The following FAT3 variants were observed in gnomAD, a reference collection of about 807,000 sequenced individuals.
The protein encoded by FAT3 is protocadherin Fat 3.
FAT3 carries 95 observed loss-of-function variants against 310.2 expected under a neutral mutation model. The ratio of observed to expected loss-of-function variants is 0.31; its 90% CI spans 0.26 to 0.36. FAT3 has a LOEUF of 0.36. Ranked by LOEUF, FAT3 falls within the 10% of genes least tolerant of loss-of-function variation. The probability of loss-of-function intolerance (pLI) is 1.00; values close to 1 mark genes in which losing one functional copy is unlikely to be tolerated. For missense variants in FAT3, 5,408 were observed against 5,715.6 expected (o/e 0.95, Z 1.74); for synonymous variants, 2,314 against 2,192.9 (o/e 1.06, Z -1.54).
intron 2 of FAT3, among the ~76,000 whole-genome samples, chr11:92,369,727 G>A (rs1949133833): frequency 6.6e-6 from 1 of 152,096 alleles, no homozygotes. Context: ...CACGCCTGTA[G>A]TCCCAGCTAC....
intron 3 of FAT3, among the ~76,000 whole-genome samples, chr11:92,532,794 C>T (rs1021209536): frequency 1.3e-5 from 2 of 152,090 alleles, no homozygotes; most frequent in African/African-American, 2.4e-5. Flanking sequence ...TTAATGCCAG[C>T]CTTCTGACGG....
chr11:92,829,608 C>A (rs1341604958), intron 13 of FAT3, among the ~76,000 whole-genome samples: 1 of 152,124 alleles, frequency 6.6e-6, no homozygotes, highest in Non-Finnish European at 1.5e-5. Flanking sequence ...TTTAATCTTG[C>A]AGCCACTCCA....
intron 1 of FAT3, among the ~76,000 whole-genome samples, chr11:92,288,336 T>C (rs796148506): frequency 2.6e-5 from 4 of 152,262 alleles, no homozygotes; most frequent in African/African-American, 7.2e-5. Flanking sequence ...AAAGTTTTAG[T>C]TGAGCAAGAT....
At chr11:92,225,459 G>A (rs1863864750) in intron 1 of FAT3, among the ~76,000 whole-genome samples, 1 of 152,176 alleles carries the variant, frequency 6.6e-6, no homozygotes, top group African/African-American at 2.4e-5. Context: ...TTGGGGCTGA[G>A]GATCTGGGGA....
At chr11:92,573,919 C>T (rs997860734) in intron 3 of FAT3, among the ~76,000 whole-genome samples, 1 of 152,074 alleles carries the variant, frequency 6.6e-6, no homozygotes, top group African/African-American at 2.4e-5. Context: ...ATACATTGGT[C>T]AATTTAAAAA....
chr11:92,739,231 T>C (rs1393136313), intron 4 of FAT3, among the ~76,000 whole-genome samples: 1 of 152,214 alleles, frequency 6.6e-6, no homozygotes, highest in Admixed American at 6.5e-5. Flanking sequence ...CAGCCATACA[T>C]CTTTGCCAAG....
chr11:92,310,702 C>T (rs1271247100), intron 1 of FAT3, among the ~76,000 whole-genome samples: 2 of 151,768 alleles, frequency 1.3e-5, no homozygotes, highest in Non-Finnish European at 2.9e-5. Context: ...TGTATATACA[C>T]ATATAAGTTT....
At chr11:92,228,240 C>T (rs1359140465) in intron 1 of FAT3, among the ~76,000 whole-genome samples, 1 of 152,136 alleles carries the variant, frequency 6.6e-6, no homozygotes, top group Non-Finnish European at 1.5e-5. Flanking sequence ...TGTTGACCAG[C>T]GACTGGCTCT....
Position 92,883,217 on chromosome 11 carries a change from A to C in FAT3, c.12761A>C (p.Asp4254Ala), listed in dbSNP as rs1414909748. 24 of 1,613,024 alleles carry C rather than the reference A, an allele frequency of 1.5e-5. No homozygotes were observed. Among genetic ancestry groups the C allele is most frequent in the Non-Finnish European group, 2.0e-5 (24 of 1,179,836 alleles). The change falls in exon 24 of 28, where the codon GAC (aspartate) becomes GCC (alanine). Residue 4254 changes from aspartate (D) to alanine (A), a missense_variant. By Grantham distance (126) the Asp-to-Ala change is moderately radical. Coordinates refer to ENST00000525166, the MANE Select transcript of FAT3 (RefSeq NM_001367949.2). The surrounding 1 kb of genome is among the most constrained non-coding windows in gnomAD (Gnocchi z 4.2). ...AGGAGCAACCTGGATAAGATCGTGG[A>C]CGGGCTGGGAGGCGAGCACCAGGAA... ...DSRSNLDKIV[D>A]GLGGEHQEMT...
intron 2 of FAT3, among the ~76,000 whole-genome samples, chr11:92,438,915 G>T (rs920596952): frequency 6.6e-6 from 1 of 152,150 alleles, no homozygotes; most frequent in Non-Finnish European, 1.5e-5. Flanking sequence ...TACCATGAAA[G>T]GTTTGGCTAC....
chr11:92,287,835 G>A (rs1435748524), intron 1 of FAT3, among the ~76,000 whole-genome samples: 1 of 152,130 alleles, frequency 6.6e-6, no homozygotes, highest in African/African-American at 2.4e-5. Context: ...AGCTCTTCTA[G>A]AACTGTGCTG....
At chr11:92,746,885 T>C (rs1565560998) in intron 4 of FAT3, among the ~76,000 whole-genome samples, 1 of 152,226 alleles carries the variant, frequency 6.6e-6, no homozygotes, top group Non-Finnish European at 1.5e-5. Flanking sequence ...GTCATGCTGA[T>C]ACAAGAGGTG....
intron 3 of FAT3, among the ~76,000 whole-genome samples, chr11:92,533,044 T>A (rs557757396): frequency 7.2e-5 from 11 of 152,232 alleles, no homozygotes; most frequent in African/African-American, 2.6e-4. Context: ...TATCTGTTTG[T>A]TTTTTAAGAG....
intron 3 of FAT3, among the ~76,000 whole-genome samples, chr11:92,551,295 C>G (rs974446031): frequency 7.9e-5 from 12 of 152,208 alleles, no homozygotes; most frequent in African/African-American, 2.9e-4. Flanking sequence ...TCTGGGAAAA[C>G]TATTCTGTAA....
At chr11:92,407,769 C>A (rs189242493) in intron 2 of FAT3, among the ~76,000 whole-genome samples, 4 of 152,114 alleles carry the variant, frequency 2.6e-5, no homozygotes, top group Non-Finnish European at 4.4e-5. Flanking sequence ...TATTAAGCAG[C>A]GGCTTGTAGG....
chr11:92,506,828 C>T (rs1277535404), intron 2 of FAT3, among the ~76,000 whole-genome samples: 2 of 152,168 alleles, frequency 1.3e-5, no homozygotes, highest in East Asian at 1.9e-4. Flanking sequence ...GGTATTTACA[C>T]AGCTTACGAT....
In FAT3 at chr11:92,256,503, T is replaced by G. The variant is rs569843544; in HGVS notation, c.-18+31329T>G. 1.2e-4 allele frequency among the ~76,000 whole-genome samples: 18 copies of G among 151,844 alleles called. No homozygotes were observed. In the South Asian group the frequency reaches 3.7e-3, roughly 32 times the overall value. The stretch of plus-strand genomic sequence containing the variant: ...TCGAGTTATTAATATTATGAACAAA[T>G]AAGGAGATAAATAAAAAAGAGATAG... On this transcript the variant is annotated intron_variant, in intron 1 of 27. Transcript: ENST00000525166.
intron 4 of FAT3, among the ~76,000 whole-genome samples, chr11:92,750,284 A>G (rs1049582133): frequency 2.0e-5 from 3 of 152,196 alleles, no homozygotes; most frequent in Non-Finnish European, 2.9e-5. Context: ...AGCTCGCAGC[A>G]ATCAGGAGAA....
At chr11:92,321,287 A>C (rs1036244776) in intron 1 of FAT3, among the ~76,000 whole-genome samples, 1 of 152,020 alleles carries the variant, frequency 6.6e-6, no homozygotes, top group Admixed American at 6.6e-5. Flanking sequence ...ATACAAAAAA[A>C]ATAGCCAGGC....
Sources: gnomAD v4.1 joint callset for allele counts (sites outside exome capture counted in the v4.1 genomes callset) on GRCh38, gnomAD v4.1.1 for gene constraint, Gnocchi (gnomAD v3.1) non-coding constraint, MANE v1.5 for transcripts, NCBI Gene and HGNC (gene_info 2026-07-23, HGNC 2026-07-21) for gene names.